The following GOLGB1 variants were observed in gnomAD, a reference collection of about 807,000 sequenced individuals.
GOLGB1 encodes golgin subfamily B member 1.
GOLGB1 carries 174 observed loss-of-function variants against 336.9 expected under a neutral mutation model. That is an observed-to-expected ratio of 0.52 (90% CI 0.46 to 0.59). GOLGB1 has a LOEUF of 0.59. GOLGB1 is among the 20% of genes least tolerant of loss of function. GOLGB1 has a pLI of 0.00. For synonymous variants in GOLGB1, 1,208 were observed against 1,289.2 expected, an observed-to-expected ratio of 0.94 and a Z score of 1.35; for missense variants, 3,331 against 3,645.3, an observed-to-expected ratio of 0.91 and a Z score of 2.22.
chr3:121,673,064 T>TGTTTTTTG, intron 17 of GOLGB1, among the ~76,000 whole-genome samples: 1 of 150,914 alleles, frequency 6.6e-6, no homozygotes, highest in Non-Finnish European at 1.5e-5. Flanking sequence ...TGTGTTTTTT[T>TGTTTTTTG]GTTTTTTGGT....
In GOLGB1 at chr3:121,719,755, T is replaced by C; in HGVS notation, c.662A>G (p.Gln221Arg). The C allele has an allele frequency of 6.2e-7, 1 of 1,605,438 alleles. No homozygotes were observed. Among genetic ancestry groups the C allele is most frequent in the Non-Finnish European group, 8.5e-7 (1 of 1,175,882 alleles). The change falls in exon 7 of 22, where the codon CAG becomes CGG. Residue 221 changes from glutamine (Q) to arginine (R), a missense_variant. Physicochemically the swap from Gln to Arg is conservative, Grantham distance 43. Coordinates refer to ENST00000614479, the MANE Select transcript of GOLGB1 (RefSeq NM_001366282.2). ...AEQAAQLSSMQQVVREKDARF... is the reference protein window; with the variant it reads ...AEQAAQLSSMRQVVREKDARF... Reference sequence around the variant, plus strand: ...GGCATCTTTCTCTCGGACCACCTGCTGCATGGAACTCAACTGAAGACACAT... The same window carrying C: ...GGCATCTTTCTCTCGGACCACCTGCCGCATGGAACTCAACTGAAGACACAT...
intron 5 of GOLGB1, 114 bp downstream of exon 5, chr3:121,726,799 A>T (rs535877628): frequency 1.4e-5 from 9 of 652,394 alleles, no homozygotes; most frequent in Non-Finnish European, 2.0e-5. Context: ...GGAGACTGAT[A>T]TATACATAGA....
intron 4 of GOLGB1, among the ~76,000 whole-genome samples, chr3:121,727,318 ATATTTTT>A (rs1274019984): frequency 0.016 from 541 of 33,062 alleles, no homozygotes; most frequent in Non-Finnish European, 0.027. Flanking sequence ...ATATATATAT[ATATTTTT>A]TTTTTTTTTT....
chr3:121,696,207 T>A lies in GOLGB1; in HGVS notation c.4316A>T (p.Asp1439Val), dbSNP rs376708356. 2 of 1,614,116 alleles carry A rather than the reference T, an allele frequency of 1.2e-6. No homozygotes were observed. The highest frequency in any genetic ancestry group is 1.7e-6 in the Non-Finnish European group (2 of 1,179,978). The change falls in exon 13 of 22, where the codon GAT (aspartate) becomes GTT (valine). Residue 1439 changes from aspartate to valine, a missense_variant. By Grantham distance (152) the Asp-to-Val change is radical. Transcript: ENST00000614479. ...CTGTGTATGCAGAGCCTTAATTAAA[T>A]CTTCTTGTTCTATTATCTCTGTCTG... ...KIQTEIIEQE[D>V]LIKALHTQLE...
intron 12 of GOLGB1, among the ~76,000 whole-genome samples, 196 bp downstream of exon 12, chr3:121,699,616 A>G (rs1315317783): frequency 6.6e-6 from 1 of 152,174 alleles, no homozygotes; most frequent in Non-Finnish European, 1.5e-5. Flanking sequence ...TTGCTTTAGA[A>G]CAATGAATTT....
intron 14 of GOLGB1, among the ~76,000 whole-genome samples, chr3:121,688,589 G>A (rs1288101737): frequency 6.6e-6 from 1 of 152,222 alleles, no homozygotes; most frequent in Non-Finnish European, 1.5e-5. Flanking sequence ...CGAGAGTGCA[G>A]CCTCTGCCCC....
At chr3:121,719,813 A>G (rs1945052749) in intron 6 of GOLGB1, 45 bp from the exon 7 acceptor site, 1 of 1,504,454 alleles carries the variant, frequency 6.6e-7, no homozygotes, top group Non-Finnish European at 8.9e-7. Flanking sequence ...CACTCCCCGA[A>G]TATTGCACAA....
chr3:121,720,393 A>AATG (rs1332666615), intron 6 of GOLGB1, among the ~76,000 whole-genome samples: 2 of 152,270 alleles, frequency 1.3e-5, no homozygotes, highest in East Asian at 3.9e-4. Context: ...CTCTGAACAG[A>AATG]ATGAAATGGA....
chr3:121,688,518 T>C (rs59987610), intron 14 of GOLGB1, among the ~76,000 whole-genome samples: 18,026 of 152,096 alleles, frequency 0.12, 1,170 homozygotes, highest in East Asian at 0.24. Flanking sequence ...AGTGCAGTGG[T>C]GTGATCTCGG....
At chr3:121,701,345 T>C (rs1278539887) in intron 11 of GOLGB1, among the ~76,000 whole-genome samples, 1 of 152,164 alleles carries the variant, frequency 6.6e-6, no homozygotes, top group Non-Finnish European at 1.5e-5. Context: ...CTGAATGGGT[T>C]AAATAATGAG....
intron 16 of GOLGB1, 61 bp downstream of exon 16, chr3:121,677,224 A>AATC (rs1940523229): frequency 1.5e-6 from 2 of 1,356,488 alleles, no homozygotes; most frequent in Admixed American, 2.0e-5. Context: ...AAAACCCTGC[A>AATC]ATCATCATCA....
intron 15 of GOLGB1, among the ~76,000 whole-genome samples, chr3:121,681,318 A>C (rs1331241767): frequency 6.6e-6 from 1 of 152,234 alleles, no homozygotes; most frequent in Non-Finnish European, 1.5e-5. Flanking sequence ...GATGTGAGGA[A>C]GGTAGGGAAG....
Position 121,690,728 on chromosome 3 carries a change from G to A in GOLGB1, c.8636C>T (p.Ala2879Val), listed in dbSNP as rs1309024112. The A allele has an allele frequency of 6.5e-7, 1 of 1,542,180 alleles. No individual in the cohort carries two copies. Among genetic ancestry groups the A allele is most frequent in the Non-Finnish European group, 8.7e-7 (1 of 1,150,990 alleles). ...AGCTTTTTTTAAACTCTGTACTTCA[G>A]CTGGGCTGGTGGAAGGCTGAGCTGC... ...RSAAQPSTSPAEVQSLKKAMS... is the reference protein window; with the variant it reads ...RSAAQPSTSPVEVQSLKKAMS... Residue 2879 changes from alanine (A) to valine (V), a missense_variant, in exon 14 of 22, where the codon GCT (alanine) becomes GTT (valine). By Grantham distance (64) the Ala-to-Val change is moderately conservative (BLOSUM62 0). Coordinates refer to ENST00000614479, the MANE Select transcript of GOLGB1 (RefSeq NM_001366282.2).
In GOLGB1 at chr3:121,716,929, A is replaced by G; in HGVS notation, c.1096T>C (p.Ser366Pro). Residue 366 changes from serine (S) to proline (P), a missense_variant, in exon 9 of 22, where the codon TCT becomes CCT. Ser to Pro is a moderately conservative substitution (Grantham distance 74). Transcript: ENST00000614479. Reference sequence around the variant, plus strand: ...TTCTGCTCCAAAGCACTATACCGAGACTCTAGTTCAGCCTGGGCTTGGCCT... The same window carrying G: ...TTCTGCTCCAAAGCACTATACCGAGGCTCTAGTTCAGCCTGGGCTTGGCCT... ...QAGQAQAELE[S>P]RYSALEQKHK... 6.2e-7 allele frequency: 1 copy of G among 1,613,550 alleles called. No homozygotes were observed. The highest frequency in any genetic ancestry group is 8.5e-7 in the Non-Finnish European group (1 of 1,179,728).
intron 14 of GOLGB1, among the ~76,000 whole-genome samples, chr3:121,684,890 G>A (rs1220393018): frequency 6.6e-6 from 1 of 152,206 alleles, no homozygotes; most frequent in Non-Finnish European, 1.5e-5. Flanking sequence ...TTCTGGGATA[G>A]AAAGGGTATC....
At position 121,722,006 on chromosome 3, in the gene GOLGB1, G is replaced by A. The variant is rs543866714; in HGVS notation, c.648+256C>T. Among the ~76,000 whole-genome samples, 26 of 152,306 alleles carry A rather than the reference G, an allele frequency of 1.7e-4. No individual in the cohort carries two copies. In the South Asian group the frequency reaches 2.9e-3, roughly 17 times the overall value. ...TCTGGACATGCAGAACTAAGAAACA[G>A]TCATCAATTAGGCTATAGAAAATTC... On this transcript the variant is annotated intron_variant, in intron 6 of 21. Transcript: ENST00000614479.
intron 18 of GOLGB1, among the ~76,000 whole-genome samples, chr3:121,668,672 C>CAAAAAA (rs138891151): frequency 3.0e-5 from 2 of 66,630 alleles, no homozygotes; most frequent in East Asian, 4.8e-4. Flanking sequence ...GACTCCGTCT[C>CAAAAAA]AAAAAAAAAA....
At chr3:121,720,774 T>A (rs1190563453) in intron 6 of GOLGB1, among the ~76,000 whole-genome samples, 2 of 152,190 alleles carry the variant, frequency 1.3e-5, no homozygotes, top group Non-Finnish European at 2.9e-5. Flanking sequence ...TTCTCTGCAG[T>A]TTTGCTCACA....
intron 1 of GOLGB1, among the ~76,000 whole-genome samples, chr3:121,736,661 G>A (rs778025283): frequency 1.3e-5 from 2 of 152,184 alleles, no homozygotes; most frequent in Non-Finnish European, 2.9e-5. Context: ...CTGGCACTTT[G>A]GGAGGCCGAG....
Sources: gnomAD v4.1 joint callset for allele counts (sites outside exome capture counted in the v4.1 genomes callset) on GRCh38, gnomAD v4.1.1 for gene constraint, MANE v1.5 for transcripts, NCBI Gene and HGNC (gene_info 2026-07-23, HGNC 2026-07-21) for gene names.